Variants in RASIP1 observed in about 807,000 individuals in gnomAD.
RASIP1 encodes Ras interacting protein 1.
RASIP1 carries 20 observed loss-of-function variants against 85.3 expected under a neutral mutation model. The observed-to-expected ratio is 0.23, with a 90% confidence interval of 0.17 to 0.34. RASIP1 has a LOEUF of 0.34. RASIP1 is among the 10% of genes least tolerant of loss of function. RASIP1 has a pLI of 1.00. For synonymous variants in RASIP1, 617 were observed against 647.1 expected (o/e 0.95, Z 0.71); for missense variants, 1,170 against 1,390.9 (o/e 0.84, Z 2.53).
rs1424930720 is a variant in RASIP1, at chr19:48,739,942, C to G, written c.137+204G>C. ...TTCTGTCCCCGTCCCCGTGCCCATC[C>G]GGCCTCACTCCACCTCCTAGCCTAG... On this transcript the variant is annotated intron_variant, in intron 2 of 11. Coordinates refer to ENST00000222145, the MANE Select transcript of RASIP1 (RefSeq NM_017805.3). The surrounding 1 kb of genome is among the most constrained non-coding windows in gnomAD (Gnocchi z 9.2). 6.6e-6 allele frequency among the ~76,000 whole-genome samples: 1 copy of G among 152,188 alleles called. No individual in the cohort carries two copies. The highest frequency in any genetic ancestry group is 2.1e-4 in the South Asian group (1 of 4,832).
At chr19:48,735,158 A>G in intron 4 of RASIP1, 38 bp downstream of exon 4, 2 of 1,549,646 alleles carry the variant, frequency 1.3e-6, no homozygotes, top group Non-Finnish European at 8.8e-7. Context: ...CAGATGGGGT[A>G]TAGGGCTCTG....
chr19:48,721,800 C>A, intron 11 of RASIP1, 54 bp downstream of exon 11: 1 of 1,541,338 alleles, frequency 6.5e-7, no homozygotes, highest in South Asian at 1.2e-5. Flanking sequence ...GAGACTCCGT[C>A]TCAAAAGAAG....
Position 48,724,989 on chromosome 19 carries a change from G to A in RASIP1, c.2128-29C>T. On this transcript the variant is annotated intron_variant, in intron 8 of 11. Coordinates refer to ENST00000222145, the MANE Select transcript of RASIP1 (RefSeq NM_017805.3). The surrounding 1 kb of genome is among the most constrained non-coding windows in gnomAD (Gnocchi z 4.6). Reference sequence around the variant, plus strand: ...AGAAAATAGAGAAGTGGAAACAAGTGATTGGACTACAACTCCCAGGAAGCT... The same window carrying A: ...AGAAAATAGAGAAGTGGAAACAAGTAATTGGACTACAACTCCCAGGAAGCT... 3 of 1,603,270 alleles carry A rather than the reference G, an allele frequency of 1.9e-6. No individual in the cohort carries two copies. Among genetic ancestry groups the A allele is most frequent in the African/African-American group, 2.7e-5 (2 of 74,824 alleles).
At position 48,735,354 on chromosome 19, in the gene RASIP1, C is replaced by T. The variant is rs991331231; in HGVS notation, c.1021G>A (p.Glu341Lys). Reference protein sequence around the residue: ...SLQGRRRRQQERRQQALSMAP... With the variant: ...SLQGRRRRQQKRRQQALSMAP... The stretch of plus-strand genomic sequence containing the variant: ...ATGCTAAGTGCCTGCTGTCTCCGCT[C>T]CTGCTGCCGCCGCCGCCGCCCCTGA... The change falls in exon 4 of 12, where the codon GAG becomes AAG. Residue 341 changes from glutamate to lysine, a missense_variant. Glu to Lys is a moderately conservative substitution (Grantham distance 56). Transcript: ENST00000222145. 6.2e-7 allele frequency: 1 copy of T among 1,612,770 alleles called. No homozygotes were observed. Among genetic ancestry groups the T allele is most frequent in the Non-Finnish European group, 8.5e-7 (1 of 1,179,812 alleles).
At position 48,722,240 on chromosome 19, in the gene RASIP1, T is replaced by C. The variant is rs1025498993; in HGVS notation, c.2545-239A>G. Among the ~76,000 whole-genome samples the C allele has an allele frequency of 2.0e-5, 3 of 149,414 alleles. No individual in the cohort carries two copies. The Admixed American group carries it at 2.0e-4, about 10-fold the overall frequency. On this transcript the variant is annotated intron_variant, in intron 10 of 11. Coordinates refer to ENST00000222145, the MANE Select transcript of RASIP1 (RefSeq NM_017805.3). ...TTGAGGATACAGGAAATGAGTAGGG[T>C]GGAAATAAATAAGATTGGCCATTCG... is the stretch of plus-strand genomic sequence containing the variant.
chr19:48,740,396 C>A lies in RASIP1; in HGVS notation c.-4-110G>T. On this transcript the variant is annotated intron_variant, in intron 1 of 11. Coordinates refer to ENST00000222145, the MANE Select transcript of RASIP1 (RefSeq NM_017805.3). The surrounding 1 kb of genome is among the most constrained non-coding windows in gnomAD (Gnocchi z 5.5). The stretch of plus-strand genomic sequence containing the variant: ...AGGAGGGGGCTGGGGCTCAGACTTG[C>A]GAGTCCAGGGGGAGGAGAGGGATGG... The A allele has an allele frequency of 1.4e-6, 2 of 1,436,244 alleles. No individual in the cohort carries two copies. The highest frequency in any genetic ancestry group is 1.5e-5 in the African/African-American group (1 of 68,006). 89.0% of individuals were successfully genotyped at this position (1,436,244 alleles called of 1,614,324 possible).
In RASIP1 at chr19:48,720,727, C is replaced by T; in HGVS notation, c.*71G>A. ...GAACTACAACTCCCAGAAAGCTTTG[C>T]GCTCAGGCGGGCTCCTGTCCGTAGA... is the stretch of plus-strand genomic sequence containing the variant. On this transcript the variant is annotated 3_prime_UTR_variant, in exon 12 of 12. Transcript: ENST00000222145. 3 of 1,506,878 alleles carry T rather than the reference C, an allele frequency of 2.0e-6. No individual in the cohort carries two copies. The highest frequency in any genetic ancestry group is 2.8e-6 in the Non-Finnish European group (3 of 1,088,836). The allele number at this position is 1,506,878 out of a possible 1,614,324, so 93.3% of individuals were successfully genotyped here.
chr19:48,735,855 G>T (rs1017586121), intron 3 of RASIP1, among the ~76,000 whole-genome samples: 4 of 151,428 alleles, frequency 2.6e-5, no homozygotes, highest in Non-Finnish European at 4.4e-5. Context: ...GAGTGCAGTG[G>T]CACGATCTCG....
chr19:48,727,623 A>G (rs1031075584), intron 5 of RASIP1, among the ~76,000 whole-genome samples, 193 bp from the exon 6 acceptor site: 1 of 151,850 alleles, frequency 6.6e-6, no homozygotes, highest in African/African-American at 2.4e-5. Context: ...TTGGCCTCCC[A>G]AAGAACTAGG....
At chr19:48,736,326 C>G (rs1295657573) in intron 3 of RASIP1, among the ~76,000 whole-genome samples, 4 of 151,680 alleles carry the variant, frequency 2.6e-5, no homozygotes, top group Non-Finnish European at 5.9e-5. Context: ...TGGCGTGAAC[C>G]CGGGAGGCGG....
At chr19:48,730,566 C>T (rs1206201813) in intron 4 of RASIP1, among the ~76,000 whole-genome samples, 1 of 152,136 alleles carries the variant, frequency 6.6e-6, no homozygotes, top group African/African-American at 2.4e-5. Context: ...CTACCCTCAC[C>T]CTCAAAGAAT....
chr19:48,736,115 T>C (rs886531078), intron 3 of RASIP1, among the ~76,000 whole-genome samples: 1 of 151,512 alleles, frequency 6.6e-6, no homozygotes, highest in African/African-American at 2.4e-5. Context: ...AGCCCATTTG[T>C]TCTTTTAACA....
intron 4 of RASIP1, among the ~76,000 whole-genome samples, chr19:48,734,240 A>G (rs1235830925): frequency 1.3e-5 from 2 of 151,920 alleles, no homozygotes; most frequent in African/African-American, 4.8e-5. Flanking sequence ...GCTTGCAGTG[A>G]GCCGAGATCG....
At chr19:48,727,282 G>T (rs1030581788) in intron 6 of RASIP1, 111 bp downstream of exon 6, 10 of 1,536,976 alleles carry the variant, frequency 6.5e-6, no homozygotes, top group Non-Finnish European at 8.9e-6. Context: ...AAAGTTGAGC[G>T]CAAGGAGAAG....
intron 8 of RASIP1, 91 bp downstream of exon 8, chr19:48,726,694 C>T: frequency 9.4e-7 from 1 of 1,060,554 alleles, no homozygotes; most frequent in Non-Finnish European, 1.4e-6. Flanking sequence ...GTAGTTCAAA[C>T]AAGAAGTGAT....
At chr19:48,734,544 A>G (rs1402417636) in intron 4 of RASIP1, among the ~76,000 whole-genome samples, 1 of 147,732 alleles carries the variant, frequency 6.8e-6, no homozygotes, top group Non-Finnish European at 1.5e-5. Context: ...CTGGAGTGCA[A>G]TGGAACGATC....
At chr19:48,734,094 G>A (rs2122466623) in intron 4 of RASIP1, among the ~76,000 whole-genome samples, 1 of 152,074 alleles carries the variant, frequency 6.6e-6, no homozygotes, top group East Asian at 2.0e-4. Flanking sequence ...AAGAGATTGA[G>A]ACCATCCTGG....
intron 10 of RASIP1, among the ~76,000 whole-genome samples, chr19:48,723,803 C>CTTTTT (rs34173404): frequency 3.1e-5 from 4 of 127,016 alleles, no homozygotes; most frequent in Non-Finnish European, 4.9e-5. Context: ...ACCCTGGAAA[C>CTTTTT]TTTTTTTTTT....
At chr19:48,737,518 T>G (rs2033594616) in intron 3 of RASIP1, 1 of 985,302 alleles carries the variant, frequency 1.0e-6, no homozygotes, top group African/African-American at 1.7e-5. Flanking sequence ...CTTTCCCATG[T>G]GATCCCACTT....
Sources: allele counts gnomAD v4.1 joint callset (sites outside exome capture counted in the v4.1 genomes callset), GRCh38; gene constraint gnomAD v4.1.1; non-coding constraint Gnocchi (gnomAD v3.1); transcripts MANE v1.5; gene names NCBI Gene and HGNC (gene_info 2026-07-23, HGNC 2026-07-21).